The following ST3GAL3 variants were observed in gnomAD, a reference collection of about 807,000 sequenced individuals.
The protein encoded by ST3GAL3 is ST3 beta-galactoside alpha-2,3-sialyltransferase 3.
Under a neutral mutation model 50.1 loss-of-function variants are expected in ST3GAL3, and 21 were observed. The ratio of observed to expected loss-of-function variants is 0.42; its 90% confidence interval spans 0.30 to 0.60. ST3GAL3 has a LOEUF of 0.60. Ranked by LOEUF, ST3GAL3 falls within the 20% of genes least tolerant of loss-of-function variation. ST3GAL3 has a pLI of 0.19. For synonymous variants in ST3GAL3, 183 were observed against 190.0 expected (o/e 0.96, Z 0.30); for missense variants, 353 against 489.4 (o/e 0.72, Z 2.63).
chr1:43,714,432 CAAAAAAAA>C (rs35400929), intron 1 of ST3GAL3, among the ~76,000 whole-genome samples: 54 of 73,712 alleles, frequency 7.3e-4, no homozygotes, highest in Non-Finnish European at 9.4e-4. Context: ...TACTAAAATA[CAAAAAAAA>C]AAAAAAAAAA....
chr1:43,733,151 T>C (rs978554102), intron 1 of ST3GAL3, among the ~76,000 whole-genome samples: 1 of 152,110 alleles, frequency 6.6e-6, no homozygotes, highest in Non-Finnish European at 1.5e-5. Context: ...CATGCCACCA[T>C]GTCCAGCTAA....
At chr1:43,878,965 A>G (rs1025730230) in intron 5 of ST3GAL3, 4 of 453,948 alleles carry the variant, frequency 8.8e-6, no homozygotes, top group African/African-American at 8.0e-5. Flanking sequence ...CCTCCAGATA[A>G]TAACAAACAA....
chr1:43,767,259 A>G (rs1693429088), intron 2 of ST3GAL3, among the ~76,000 whole-genome samples: 1 of 152,144 alleles, frequency 6.6e-6, no homozygotes. Context: ...GGCAGAGGGA[A>G]GATTATGGAT....
intron 1 of ST3GAL3, among the ~76,000 whole-genome samples, chr1:43,728,443 TAA>T (rs1674018749): frequency 6.6e-6 from 1 of 152,182 alleles, no homozygotes; most frequent in Admixed American, 6.5e-5. Flanking sequence ...TGGGCAGAGC[TAA>T]AGAGTTATAT....
intron 2 of ST3GAL3, among the ~76,000 whole-genome samples, chr1:43,775,685 A>T (rs1045519669): frequency 7.9e-5 from 12 of 152,184 alleles, no homozygotes; most frequent in Admixed American, 2.0e-4. Flanking sequence ...TTATGCAGGA[A>T]TTCTAATTCA....
intron 1 of ST3GAL3, among the ~76,000 whole-genome samples, chr1:43,733,042 G>C (rs1259033410): frequency 6.6e-6 from 1 of 150,650 alleles, no homozygotes; most frequent in Non-Finnish European, 1.5e-5. Context: ...GCAGTAGCAT[G>C]ATCATAGCTC....
At chr1:43,740,524 A>G (rs138370158) in intron 2 of ST3GAL3, among the ~76,000 whole-genome samples, 312 of 152,174 alleles carry the variant, frequency 2.1e-3, no homozygotes, top group African/African-American at 7.3e-3. Flanking sequence ...GGTGGTTCAC[A>G]TCTGGAATTC....
chr1:43,735,810 G>C (rs1462156071), intron 1 of ST3GAL3, among the ~76,000 whole-genome samples: 3 of 152,234 alleles, frequency 2.0e-5, no homozygotes, highest in Non-Finnish European at 4.4e-5. Context: ...GATATTGTCA[G>C]ATTTTGTGTT....
chr1:43,920,772 C>T lies in ST3GAL3; in HGVS notation c.892-10C>T, dbSNP rs545265264. ...GCATGCCTTCTCTCACCCCTGCCCCCGTCTTCTAGAACATCCCTACCCTTG... is the reference window on the plus strand; with the variant it reads ...GCATGCCTTCTCTCACCCCTGCCCCTGTCTTCTAGAACATCCCTACCCTTG... On this transcript the variant is annotated splice_polypyrimidine_tract_variant and intron_variant, in intron 10 of 11. Coordinates refer to ENST00000347631, the MANE Select transcript of ST3GAL3 (RefSeq NM_006279.5). The T allele has an allele frequency of 1.1e-5, 17 of 1,614,166 alleles. No homozygotes were observed. Among genetic ancestry groups the T allele is most frequent in the African/African-American group, 5.3e-5 (4 of 75,040 alleles).
intron 1 of ST3GAL3, among the ~76,000 whole-genome samples, chr1:43,713,522 A>ATTTT (rs556526111): frequency 7.0e-4 from 85 of 122,088 alleles, no homozygotes; most frequent in East Asian, 3.1e-3. Context: ...ACGTTGTGGG[A>ATTTT]TTTTTTTTTT....
chr1:43,713,980 C>T (rs1033023426), intron 1 of ST3GAL3, among the ~76,000 whole-genome samples: 6 of 152,086 alleles, frequency 3.9e-5, no homozygotes, highest in Non-Finnish European at 5.9e-5. Flanking sequence ...GAATGCCATA[C>T]GGGCCGGGTG....
intron 5 of ST3GAL3, among the ~76,000 whole-genome samples, chr1:43,848,358 T>C (rs2066655019): frequency 7.5e-6 from 1 of 134,152 alleles, no homozygotes. Flanking sequence ...CAGGCTGGAG[T>C]GCAATGGCGC....
intron 1 of ST3GAL3, among the ~76,000 whole-genome samples, chr1:43,712,188 G>T (rs1011493677): frequency 1.3e-5 from 2 of 152,182 alleles, no homozygotes; most frequent in African/African-American, 4.8e-5. Flanking sequence ...GCTTTGCAGA[G>T]CACGTGGTTC....
intron 4 of ST3GAL3, among the ~76,000 whole-genome samples, chr1:43,830,347 G>T (rs1248805460): frequency 6.6e-6 from 1 of 152,040 alleles, no homozygotes; most frequent in African/African-American, 2.4e-5. Flanking sequence ...CCCCAAAAAA[G>T]AATCTTTAAG....
chr1:43,834,755 C>T (rs1275680241), intron 4 of ST3GAL3, among the ~76,000 whole-genome samples: 1 of 152,220 alleles, frequency 6.6e-6, no homozygotes, highest in Non-Finnish European at 1.5e-5. Flanking sequence ...GCGTGTCACA[C>T]AGCATGTGTG....
chr1:43,926,057 A>C (rs1490781624), intron 11 of ST3GAL3, among the ~76,000 whole-genome samples: 2 of 152,098 alleles, frequency 1.3e-5, no homozygotes, highest in Non-Finnish European at 2.9e-5. Flanking sequence ...GGATGCTTGG[A>C]AGAGAAGGGA....
chr1:43,922,993 G>A (rs577347457), intron 11 of ST3GAL3, among the ~76,000 whole-genome samples: 6 of 149,536 alleles, frequency 4.0e-5, no homozygotes, highest in African/African-American at 1.5e-4. Flanking sequence ...CCCAGCTGAG[G>A]AAGGAGAATG....
rs1406699311 is a variant in ST3GAL3 at position 43,920,380 on chromosome 1, G to A, written c.745-24G>A. 5 of 1,614,054 alleles carry A rather than the reference G, an allele frequency of 3.1e-6. No homozygotes were observed. In the South Asian group the frequency reaches 5.5e-5, roughly 18 times the overall value. ...CATCCCTTGCTGTGTGCCTCGTTGA[G>A]GCCCGCTTTTGCTGTGTCCACAGAG... is the stretch of plus-strand genomic sequence containing the variant. On this transcript the variant is annotated intron_variant, in intron 9 of 11. Coordinates refer to ENST00000347631, the MANE Select transcript of ST3GAL3 (RefSeq NM_006279.5).
At chr1:43,861,683 G>A (rs1019411844) in intron 5 of ST3GAL3, among the ~76,000 whole-genome samples, 1 of 152,134 alleles carries the variant, frequency 6.6e-6, no homozygotes, top group Non-Finnish European at 1.5e-5. Context: ...CCTTTGTGCT[G>A]TGCCTGCTAG....
Sources: allele counts gnomAD v4.1 joint callset (sites outside exome capture counted in the v4.1 genomes callset), GRCh38; gene constraint gnomAD v4.1.1; transcripts MANE v1.5; gene names NCBI Gene and HGNC (gene_info 2026-07-23, HGNC 2026-07-21).